Variants in TIAM1 observed in about 807,000 individuals in gnomAD.
TIAM1 encodes the protein TIAM Rac1 associated GEF 1.
In TIAM1, 65 loss-of-function variants were observed where a neutral mutation model predicts 163.5. That is an observed-to-expected ratio of 0.40 (90% CI 0.33 to 0.49). The LOEUF is 0.49. TIAM1 is among the 20% of genes least tolerant of loss of function. TIAM1 has a pLI of 0.77. For synonymous variants in TIAM1, 833 were observed against 810.1 expected, an observed-to-expected ratio of 1.03 and a Z score of -0.48; for missense variants, 1,789 against 2,044.7, an observed-to-expected ratio of 0.87 and a Z score of 2.41.
chr21:31,384,650 C>T (rs956947121), intron 2 of TIAM1, among the ~76,000 whole-genome samples: 1 of 152,124 alleles, frequency 6.6e-6, no homozygotes, highest in Non-Finnish European at 1.5e-5. Context: ...CAGGATCATA[C>T]AGCTTGAGTT....
At chr21:31,313,824 G>T (rs746857429) in intron 2 of TIAM1, among the ~76,000 whole-genome samples, 3 of 152,094 alleles carry the variant, frequency 2.0e-5, no homozygotes, top group African/African-American at 7.2e-5. Flanking sequence ...TAATCTGTCC[G>T]CCTCGGCCTC....
At chr21:31,267,262 G>A (rs1167664815) in intron 3 of TIAM1, among the ~76,000 whole-genome samples, 2 of 152,194 alleles carry the variant, frequency 1.3e-5, no homozygotes, top group Non-Finnish European at 2.9e-5. Context: ...TCTGCCCAGA[G>A]AGAAGATGGC....
In TIAM1 at chr21:31,342,960, C is replaced by T. The variant is rs574045066; in HGVS notation, c.-369+1178G>A. On this transcript the variant is annotated intron_variant, in intron 1 of 27. Transcript: ENST00000541036. ...CTGAGAGAGTCTGCCAATTCCGCTT[C>T]GATATAAGAAAAATGATAAAATCAG... Among the ~76,000 whole-genome samples the T allele has an allele frequency of 3.3e-5, 5 of 152,226 alleles. No individual in the cohort carries two copies. The East Asian group carries it at 5.8e-4, about 18-fold the overall frequency.
In TIAM1 at chr21:31,266,258, T is replaced by C. The variant is rs777099421; in HGVS notation, c.715A>G (p.Lys239Glu). ...ANSLGDLYAQKNSGVTANGGP... is the reference protein window; with the variant it reads ...ANSLGDLYAQENSGVTANGGP... ...CCGTTTGCTGTCACTCCAGAGTTTT[T>C]CTGAGCATACAAGTCACCCAAGGAA... The change falls in exon 4 of 28, where the codon AAA (lysine) becomes GAA (glutamate). Residue 239 changes from lysine (K) to glutamate (E), a missense_variant. Physicochemically the swap from Lys to Glu is moderately conservative, Grantham distance 56. This residue lies in a region of TIAM1 where 555 missense variants were observed against 564.9 expected (regional missense o/e 0.98). Coordinates refer to ENST00000541036, the MANE Select transcript of TIAM1 (RefSeq NM_001353694.2). 1.9e-6 allele frequency: 3 copies of C among 1,614,232 alleles called. No individual in the cohort carries two copies. Among genetic ancestry groups the C allele is most frequent in the Non-Finnish European group, 2.5e-6 (3 of 1,180,040 alleles).
intron 10 of TIAM1, among the ~76,000 whole-genome samples, chr21:31,210,552 A>AAGAC (rs2086677427): frequency 2.7e-5 from 3 of 111,940 alleles, no homozygotes; most frequent in African/African-American, 4.5e-5. Flanking sequence ...GAAAGAAAGA[A>AAGAC]AGAAAGAAAG....
intron 1 of TIAM1, among the ~76,000 whole-genome samples, chr21:31,492,087 T>TGTATATGCATAC (rs2046488000): frequency 6.6e-6 from 1 of 152,196 alleles, no homozygotes; most frequent in Non-Finnish European, 1.5e-5. Flanking sequence ...TGTATGTATA[T>TGTATATGCATAC]GTATATGCAT....
intron 1 of TIAM1, among the ~76,000 whole-genome samples, chr21:31,520,105 C>A (rs553851345): frequency 1.3e-5 from 2 of 152,056 alleles, no homozygotes; most frequent in African/African-American, 4.8e-5. Flanking sequence ...CTGAGGCACG[C>A]GGAGCACCTG....
At chr21:31,543,556 C>A (rs548961585) in intron 1 of TIAM1, among the ~76,000 whole-genome samples, 6 of 151,956 alleles carry the variant, frequency 3.9e-5, no homozygotes, top group Non-Finnish European at 8.8e-5. Context: ...CTTCAAGTCA[C>A]GGAGGAAGCA....
intron 20 of TIAM1, among the ~76,000 whole-genome samples, chr21:31,142,938 G>A (rs186590923): frequency 5.9e-5 from 9 of 152,302 alleles, no homozygotes; most frequent in Non-Finnish European, 1.0e-4. Flanking sequence ...ATACGAAGCC[G>A]TGGCTAATGT....
chr21:31,486,976 C>T (rs980603065), intron 1 of TIAM1, among the ~76,000 whole-genome samples: 3 of 152,176 alleles, frequency 2.0e-5, no homozygotes, highest in Admixed American at 1.3e-4. Context: ...GGTGACACAG[C>T]CACAGCAGTT....
intron 16 of TIAM1, chr21:31,160,749 GCTTCC>G (rs2083875827): frequency 5.4e-6 from 2 of 370,108 alleles, no homozygotes; most frequent in African/African-American, 4.2e-5. Context: ...AGCTGCACTC[GCTTCC>G]CACCAGTGCC....
intron 23 of TIAM1, among the ~76,000 whole-genome samples, chr21:31,133,944 T>C (rs1276056421): frequency 1.3e-5 from 2 of 152,016 alleles, no homozygotes; most frequent in South Asian, 2.1e-4. Context: ...GGTGCGTGCC[T>C]GTAGTCCCAG....
chr21:31,146,843 C>CCCCA, intron 20 of TIAM1, 52 bp downstream of exon 20: 3 of 1,462,044 alleles, frequency 2.1e-6, no homozygotes, highest in Non-Finnish European at 2.9e-6. Context: ...CACTGTCAGC[C>CCCCA]ACACAACTGA....
At chr21:31,478,869 C>CTTT (rs1375985738) in intron 1 of TIAM1, among the ~76,000 whole-genome samples, 1 of 152,128 alleles carries the variant, frequency 6.6e-6, no homozygotes, top group Non-Finnish European at 1.5e-5. Context: ...AGTTGGAATC[C>CTTT]TAAAGGAAAG....
At chr21:31,244,071 T>C (rs1184487087) in intron 6 of TIAM1, among the ~76,000 whole-genome samples, 1 of 152,226 alleles carries the variant, frequency 6.6e-6, no homozygotes, top group Non-Finnish European at 1.5e-5. Context: ...TACTTTATGA[T>C]AGCTCACTGA....
At chr21:31,413,264 C>CTTTTTTTTTTTTTTTTTTTTTTTTTTT (rs397866519) in intron 2 of TIAM1, among the ~76,000 whole-genome samples, 2 of 87,876 alleles carry the variant, frequency 2.3e-5, no homozygotes, top group Non-Finnish European at 4.1e-5. Flanking sequence ...CTTTTCTTTT[C>CTTTTTTTTTTTTTTTTTTTTTTTTTTT]TTTTTTTTTT....
intron 16 of TIAM1, among the ~76,000 whole-genome samples, chr21:31,160,257 C>T (rs571773240): frequency 1.3e-5 from 2 of 152,274 alleles, no homozygotes; most frequent in South Asian, 2.1e-4. Context: ...CTCTGAACCT[C>T]CCCACGTCCC....
chr21:31,388,439 A>G (rs1365560399), intron 2 of TIAM1, among the ~76,000 whole-genome samples: 1 of 151,852 alleles, frequency 6.6e-6, no homozygotes, highest in Non-Finnish European at 1.5e-5. Flanking sequence ...CCAGGAGTTC[A>G]AGACCAGCCT....
chr21:31,556,296 C>T (rs565830695), intron 1 of TIAM1, among the ~76,000 whole-genome samples: 88 of 152,122 alleles, frequency 5.8e-4, no homozygotes, highest in Non-Finnish European at 9.8e-4. Flanking sequence ...CATCAACAGC[C>T]GAATAGGGGT....
Sources: allele counts gnomAD v4.1 joint callset (sites outside exome capture counted in the v4.1 genomes callset), GRCh38; gene constraint gnomAD v4.1.1; regional missense constraint gnomAD v4.1.1; transcripts MANE v1.5; gene names NCBI Gene and HGNC (gene_info 2026-07-23, HGNC 2026-07-21).